SDK1: variants seen among roughly 807,000 people sequenced by gnomAD.
SDK1 encodes the protein protein sidekick-1.
SDK1 carries 157 observed loss-of-function variants against 245.5 expected under a neutral mutation model. That is an observed-to-expected ratio of 0.64 (90% CI 0.56 to 0.73). The LOEUF (loss-of-function observed/expected upper bound fraction) is 0.73. Ranked by LOEUF, SDK1 falls within the 30% of genes least tolerant of loss-of-function variation. The pLI is 0.00. For synonymous variants in SDK1, 1,647 were observed against 1,278.5 expected (o/e 1.29, Z -6.15); for missense variants, 3,583 against 3,002.3 (o/e 1.19, Z -4.52).
chr7:3,331,533 G>A (rs1780068994), intron 1 of SDK1, among the ~76,000 whole-genome samples: 1 of 152,076 alleles, frequency 6.6e-6, no homozygotes, highest in African/African-American at 2.4e-5. Context: ...TTAGATATAA[G>A]TGCTTTATCA....
intron 44 of SDK1, among the ~76,000 whole-genome samples, chr7:4,255,739 T>C (rs1562485936): frequency 6.6e-6 from 1 of 152,092 alleles, no homozygotes; most frequent in African/African-American, 2.4e-5. Context: ...CCTGCCTTGT[T>C]GCCACATCTG....
intron 44 of SDK1, among the ~76,000 whole-genome samples, chr7:4,263,251 C>T (rs1427648753): frequency 7.0e-6 from 1 of 142,066 alleles, no homozygotes. Context: ...TGTAGCAGCC[C>T]ACATCTTAGT....
intron 20 of SDK1, among the ~76,000 whole-genome samples, chr7:4,071,066 C>A (rs192309582): frequency 6.6e-6 from 1 of 152,010 alleles, no homozygotes; most frequent in East Asian, 1.9e-4. Flanking sequence ...CTCTCTGTCA[C>A]CCAGGTTGGA....
intron 1 of SDK1, among the ~76,000 whole-genome samples, chr7:3,435,487 C>G (rs907387471): frequency 6.6e-6 from 1 of 150,808 alleles, no homozygotes; most frequent in Non-Finnish European, 1.5e-5. Flanking sequence ...CAGACAGTCA[C>G]GCCCAGCTAA....
intron 8 of SDK1, among the ~76,000 whole-genome samples, chr7:3,959,514 T>C (rs931615834): frequency 1.3e-5 from 2 of 152,138 alleles, no homozygotes; most frequent in African/African-American, 4.8e-5. Context: ...AAGCTGGGAG[T>C]GCGTCCGTCA....
chr7:3,603,852 G>A (rs1291089322), intron 1 of SDK1, among the ~76,000 whole-genome samples: 6 of 152,108 alleles, frequency 3.9e-5, no homozygotes, highest in African/African-American at 9.7e-5. Flanking sequence ...TTTGAGATAC[G>A]TCCCATCAAT....
Position 4,114,287 on chromosome 7 carries a change from C to A in SDK1, c.3823+13C>A. ...ACGCGGGAGTCAGGTGAGGGGAAGG[C>A]GATTCCCATCCTGGAGACACCGCAT... is the stretch of plus-strand genomic sequence containing the variant. On this transcript the variant is annotated intron_variant, in intron 25 of 44. Transcript: ENST00000404826. The A allele has an allele frequency of 6.4e-7, 1 of 1,573,146 alleles. No individual in the cohort carries two copies. The highest frequency in any genetic ancestry group is 8.6e-7 in the Non-Finnish European group (1 of 1,158,746).
At chr7:3,371,964 G>A (rs904513245) in intron 1 of SDK1, among the ~76,000 whole-genome samples, 3 of 152,194 alleles carry the variant, frequency 2.0e-5, no homozygotes, top group African/African-American at 7.2e-5. Context: ...AGAAACACAG[G>A]TTAGGTTTGT....
chr7:4,265,550 A>G lies in SDK1; in HGVS notation c.*166A>G. On this transcript the variant is annotated 3_prime_UTR_variant, in exon 45 of 45. Transcript: ENST00000404826. ...TGTGGACACTAGATTTCAATTAGGA[A>G]GGTTTTTTTAAACGGCTTTTTGTAA... 7.4e-7 allele frequency: 1 copy of G among 1,343,442 alleles called. No individual in the cohort carries two copies. The highest frequency in any genetic ancestry group is 9.5e-7 in the Non-Finnish European group (1 of 1,056,514). 83.2% of individuals were successfully genotyped at this position (1,343,442 alleles called of 1,614,324 possible).
intron 4 of SDK1, among the ~76,000 whole-genome samples, chr7:3,813,865 A>T (rs917813612): frequency 7.9e-6 from 1 of 126,290 alleles, no homozygotes; most frequent in African/African-American, 3.3e-5. Flanking sequence ...ATGGCCAGTG[A>T]TGATGAGCAT....
intron 1 of SDK1, among the ~76,000 whole-genome samples, chr7:3,558,211 T>G (rs931522159): frequency 6.6e-6 from 1 of 152,240 alleles, no homozygotes. Context: ...AAGAAATTAC[T>G]TGAGCAAAAT....
intron 4 of SDK1, among the ~76,000 whole-genome samples, chr7:3,703,193 C>T (rs373009636): frequency 2.5e-4 from 38 of 152,064 alleles, no homozygotes; most frequent in African/African-American, 9.2e-4. Flanking sequence ...ATTGTAATGG[C>T]CACAAATTGG....
At chr7:4,252,510 A>G (rs113663303) in intron 44 of SDK1, among the ~76,000 whole-genome samples, 12,065 of 152,120 alleles carry the variant, frequency 0.079, 619 homozygotes, top group East Asian at 0.17. Flanking sequence ...TAGTGCCGCA[A>G]TAAACATACG....
chr7:3,884,044 TTTTG>T (rs776197135), intron 5 of SDK1, among the ~76,000 whole-genome samples: 100 of 141,668 alleles, frequency 7.1e-4, no homozygotes, highest in South Asian at 6.1e-3. Context: ...GTGATTGGTT[TTTTG>T]TTTGTTTGTT....
chr7:4,036,197 T>G (rs1179130880), intron 17 of SDK1, among the ~76,000 whole-genome samples: 1 of 152,220 alleles, frequency 6.6e-6, no homozygotes, highest in African/African-American at 2.4e-5. Flanking sequence ...TGCTTTTTCC[T>G]TAGTTGAGAG....
At chr7:4,213,859 G>A (rs202164740) in intron 38 of SDK1, among the ~76,000 whole-genome samples, 6 of 152,232 alleles carry the variant, frequency 3.9e-5, no homozygotes, top group East Asian at 1.9e-4. Context: ...CAAAGCATTC[G>A]GAAGATTTTT....
chr7:3,708,860 T>A (rs192250529), intron 4 of SDK1, among the ~76,000 whole-genome samples: 32 of 152,394 alleles, frequency 2.1e-4, no homozygotes, highest in African/African-American at 7.0e-4. Flanking sequence ...TCTGCCCATG[T>A]GTATCTTTTA....
intron 22 of SDK1, 124 bp downstream of exon 22, chr7:4,079,708 G>A: frequency 7.3e-7 from 1 of 1,373,636 alleles, no homozygotes; most frequent in Non-Finnish European, 1.0e-6. Flanking sequence ...TGGAGAGGGA[G>A]AACCAGGGGC....
intron 1 of SDK1, among the ~76,000 whole-genome samples, chr7:3,467,319 A>AT (rs1781038770): frequency 1.3e-5 from 2 of 152,246 alleles, no homozygotes; most frequent in Admixed American, 1.3e-4. Context: ...TCTAAAAAAA[A>AT]GGAAACTACT....
Sources: gnomAD v4.1 joint callset for allele counts (sites outside exome capture counted in the v4.1 genomes callset) on GRCh38, gnomAD v4.1.1 for gene constraint, MANE v1.5 for transcripts, NCBI Gene and HGNC (gene_info 2026-07-23, HGNC 2026-07-21) for gene names.